CLSTN2: variants seen among roughly 807,000 people sequenced by gnomAD.
CLSTN2 encodes calsyntenin-2.
A neutral mutation model predicts 101.2 loss-of-function variants in CLSTN2; 48 were observed. That is an observed-to-expected ratio of 0.47 (90% CI 0.38 to 0.60). The LOEUF (loss-of-function observed/expected upper bound fraction) is 0.60. Ranked by LOEUF, CLSTN2 falls within the 20% of genes least tolerant of loss-of-function variation. The probability of loss-of-function intolerance (pLI) is 0.00; values close to 1 mark genes in which losing one functional copy is unlikely to be tolerated. For synonymous variants in CLSTN2, 481 were observed against 463.6 expected (o/e 1.04, Z -0.48); for missense variants, 1,160 against 1,238.2 (o/e 0.94, Z 0.95).
chr3:140,373,607 G>A (rs1237709106), intron 2 of CLSTN2, among the ~76,000 whole-genome samples: 1 of 152,206 alleles, frequency 6.6e-6, no homozygotes, highest in Non-Finnish European at 1.5e-5. Flanking sequence ...GTCTTTAAGA[G>A]AAAGAGCTCT....
chr3:140,502,366 C>T (rs1027151180), intron 8 of CLSTN2, among the ~76,000 whole-genome samples: 2 of 152,174 alleles, frequency 1.3e-5, no homozygotes, highest in Non-Finnish European at 2.9e-5. Flanking sequence ...AGGGCAGCTA[C>T]TGACCCCTGT....
At chr3:140,145,369 G>A (rs1373678583) in intron 1 of CLSTN2, among the ~76,000 whole-genome samples, 5 of 152,206 alleles carry the variant, frequency 3.3e-5, no homozygotes, top group Non-Finnish European at 5.9e-5. Context: ...GAGGCATAAA[G>A]TTTCTGGGGG....
At chr3:139,955,112 CTATATATA>C (rs58418059) in intron 1 of CLSTN2, among the ~76,000 whole-genome samples, 22 of 71,528 alleles carry the variant, frequency 3.1e-4, no homozygotes, top group South Asian at 7.3e-4. Context: ...GGCAATATTG[CTATATATA>C]TATATATATA....
At position 139,944,018 on chromosome 3, in the gene CLSTN2, C is replaced by T. The variant is rs567856555; in HGVS notation, c.109+8535C>T. ...CGATTTTGCCCATCTGGCCTTCTCT[C>T]CTGTCAGTGAACTTTCTAGAAATTT... On this transcript the variant is annotated intron_variant, in intron 1 of 16. Transcript: ENST00000458420. Among the ~76,000 whole-genome samples, 313 of 152,338 alleles carry T rather than the reference C, an allele frequency of 2.1e-3. 1 individual carries two copies. Among genetic ancestry groups the T allele is most frequent in the Admixed American group, 3.9e-3 (59 of 15,304 alleles).
chr3:140,288,136 G>GA (rs1559829603), intron 2 of CLSTN2, among the ~76,000 whole-genome samples: 4 of 150,034 alleles, frequency 2.7e-5, no homozygotes, highest in East Asian at 3.9e-4. Flanking sequence ...CCGGCGGGGG[G>GA]GGTCAGAAAT....
intron 8 of CLSTN2, 83 bp downstream of exon 8, chr3:140,466,814 G>A: frequency 6.4e-7 from 1 of 1,566,272 alleles, no homozygotes; most frequent in Non-Finnish European, 8.7e-7. Flanking sequence ...GCAGTGGGGA[G>A]GCACTGCAAG....
intron 1 of CLSTN2, among the ~76,000 whole-genome samples, chr3:140,061,694 T>C (rs1196645381): frequency 2.0e-5 from 3 of 152,226 alleles, no homozygotes; most frequent in Non-Finnish European, 2.9e-5. Context: ...ACCTACATTG[T>C]TGCAGTTTAC....
chr3:140,003,540 G>C (rs576766651), intron 1 of CLSTN2, among the ~76,000 whole-genome samples: 2 of 151,954 alleles, frequency 1.3e-5, no homozygotes, highest in African/African-American at 4.8e-5. Context: ...TTTTCTGATT[G>C]CTCCAGCTAG....
At chr3:140,397,083 T>C (rs775427909) in intron 2 of CLSTN2, among the ~76,000 whole-genome samples, 33 of 152,004 alleles carry the variant, frequency 2.2e-4, no homozygotes, top group Non-Finnish European at 4.4e-4. Context: ...TCAATACATA[T>C]TAACACAAGT....
intron 2 of CLSTN2, among the ~76,000 whole-genome samples, chr3:140,300,803 G>C: frequency 6.6e-6 from 1 of 151,494 alleles, no homozygotes; most frequent in Middle Eastern, 3.4e-3. Context: ...ACCAGTAGGC[G>C]ATATATATAT....
intron 8 of CLSTN2, among the ~76,000 whole-genome samples, chr3:140,467,913 G>A (rs1408996057): frequency 1.3e-5 from 2 of 152,184 alleles, no homozygotes; most frequent in East Asian, 1.9e-4. Flanking sequence ...ACACATGTAT[G>A]TTCTCTAAAA....
In CLSTN2 at chr3:140,229,674, C is replaced by T. The variant is rs563912444; in HGVS notation, c.232+53601C>T. ...GGAGGAAGGGGAAAGCTGCTCTGCT[C>T]ACTCTGATAGGCTTAAAACCCTGCT... On this transcript the variant is annotated intron_variant, in intron 2 of 16. Coordinates refer to ENST00000458420, the MANE Select transcript of CLSTN2 (RefSeq NM_022131.3). Among the ~76,000 whole-genome samples, 15 of 152,124 alleles carry T rather than the reference C, an allele frequency of 9.9e-5. No individual in the cohort carries two copies. In the South Asian group the frequency reaches 2.9e-3, roughly 30 times the overall value.
At chr3:140,249,270 T>A (rs574338933) in intron 2 of CLSTN2, among the ~76,000 whole-genome samples, 1 of 152,304 alleles carries the variant, frequency 6.6e-6, no homozygotes, top group East Asian at 1.9e-4. Flanking sequence ...TCAGCCTAGA[T>A]GAAGATGAAT....
chr3:140,163,430 A>T (rs894793313), intron 1 of CLSTN2, among the ~76,000 whole-genome samples: 3 of 151,798 alleles, frequency 2.0e-5, no homozygotes, highest in Non-Finnish European at 2.9e-5. Flanking sequence ...ACACACACAC[A>T]CACACACACA....
chr3:140,397,783 G>T (rs933868687), intron 2 of CLSTN2, among the ~76,000 whole-genome samples: 1 of 152,134 alleles, frequency 6.6e-6, no homozygotes, highest in African/African-American at 2.4e-5. Context: ...TCCATTGCAC[G>T]TTGTTACATT....
At chr3:140,226,156 TA>T (rs1411842891) in intron 2 of CLSTN2, among the ~76,000 whole-genome samples, 1 of 152,136 alleles carries the variant, frequency 6.6e-6, no homozygotes, top group African/African-American at 2.4e-5. Context: ...TCCATTTATA[TA>T]ACATTCTTAA....
rs1389655167 is a variant in CLSTN2, at chr3:140,240,253, TACATATATAC to T, written c.232+64202_232+64211del. Among the ~76,000 whole-genome samples, 141 of 111,546 alleles carry T rather than the reference TACATATATAC, an allele frequency of 1.3e-3. 1 individual carries two copies. The highest frequency in any genetic ancestry group is 3.2e-3 in the South Asian group (11 of 3,410). 73.2% of individuals were successfully genotyped at this position (111,546 alleles called of 152,430 possible). On this transcript the variant is annotated intron_variant, in intron 2 of 16. Coordinates refer to ENST00000458420, the MANE Select transcript of CLSTN2 (RefSeq NM_022131.3). ...ATATATGCATATATACACATATATATACATATATACACATATATACACATATATACATATA... is the reference window on the plus strand; with the variant it reads ...ATATATGCATATATACACATATATATACATATATACACATATATACATATA...
intron 1 of CLSTN2, among the ~76,000 whole-genome samples, chr3:140,051,134 A>G (rs114278814): frequency 0.015 from 2,322 of 152,292 alleles, 57 homozygotes; most frequent in African/African-American, 0.051. Flanking sequence ...GGGAACAGGA[A>G]ACAGGGCTTC....
chr3:139,944,732 T>C (rs1314324970), intron 1 of CLSTN2, among the ~76,000 whole-genome samples: 1 of 152,228 alleles, frequency 6.6e-6, no homozygotes, highest in Non-Finnish European at 1.5e-5. Flanking sequence ...CCTGCAGGGC[T>C]CTGTGCCCAT....
Sources: allele counts gnomAD v4.1 joint callset (sites outside exome capture counted in the v4.1 genomes callset), GRCh38; gene constraint gnomAD v4.1.1; transcripts MANE v1.5; gene names NCBI Gene and HGNC (gene_info 2026-07-23, HGNC 2026-07-21).